Variants in RBFOX1 observed in about 807,000 individuals in gnomAD.
RBFOX1 encodes RNA binding protein fox-1 homolog 1.
Under a neutral mutation model 57.7 loss-of-function variants are expected in RBFOX1, and 8 were observed. That is an observed-to-expected ratio of 0.14 (90% CI 0.08 to 0.25). RBFOX1 has a LOEUF of 0.25. RBFOX1 is among the 10% of genes least tolerant of loss of function. The pLI is 1.00. For synonymous variants in RBFOX1, 326 were observed against 222.4 expected, an observed-to-expected ratio of 1.47 and a Z score of -4.15; for missense variants, 611 against 548.5, an observed-to-expected ratio of 1.11 and a Z score of -1.14.
chr16:6,422,210 C>A (rs1333729581), intron 2 of RBFOX1, among the ~76,000 whole-genome samples: 1 of 151,218 alleles, frequency 6.6e-6, no homozygotes, highest in African/African-American at 2.4e-5. Context: ...GTGTGAGCCA[C>A]CACGCCCGAC....
intron 3 of RBFOX1, among the ~76,000 whole-genome samples, chr16:6,935,138 G>T (rs1237078931): frequency 6.6e-6 from 1 of 152,122 alleles, no homozygotes; most frequent in Non-Finnish European, 1.5e-5. Context: ...CTATTCGAGT[G>T]ACCTTGAGCT....
chr16:7,710,821 G>C lies in RBFOX1; in HGVS notation c.*76G>C, dbSNP rs2083896532. ...AGGCCTGAGTATTGCAATACATGCA[G>C]TAGTACATCATTTTAGCAACTCTAA... On this transcript the variant is annotated 3_prime_UTR_variant, in exon 16 of 16. Coordinates refer to ENST00000550418, the MANE Select transcript of RBFOX1 (RefSeq NM_018723.4). The C allele has an allele frequency of 8.5e-7, 1 of 1,172,626 alleles. No homozygotes were observed. Among genetic ancestry groups the C allele is most frequent in the Admixed American group, 3.1e-5 (1 of 32,328 alleles). The allele number at this position is 1,172,626 out of a possible 1,614,324, so 72.6% of individuals were successfully genotyped here.
chr16:5,859,962 G>T (rs192575531), intron 3 of RBFOX1, among the ~76,000 whole-genome samples: 1 of 152,280 alleles, frequency 6.6e-6, no homozygotes, highest in Admixed American at 6.5e-5. Flanking sequence ...GCTCCCGTGG[G>T]ACTGATCCCA....
chr16:5,922,666 C>A (rs2058850386), intron 4 of RBFOX1, among the ~76,000 whole-genome samples: 2 of 152,282 alleles, frequency 1.3e-5, no homozygotes, highest in South Asian at 4.2e-4. Flanking sequence ...TAACCACCCA[C>A]CCTCATATAA....
chr16:6,108,120 C>G (rs1199155396), intron 1 of RBFOX1, among the ~76,000 whole-genome samples: 1 of 152,088 alleles, frequency 6.6e-6, no homozygotes, highest in Admixed American at 6.6e-5. Flanking sequence ...TGTATTACTT[C>G]TTAAAAAAAT....
intron 1 of RBFOX1, among the ~76,000 whole-genome samples, chr16:6,197,153 C>G (rs1015671374): frequency 6.6e-6 from 1 of 152,118 alleles, no homozygotes; most frequent in Non-Finnish European, 1.5e-5. Flanking sequence ...ATGCATGTCA[C>G]CAGAGGCTGT....
In RBFOX1 at chr16:7,653,837, AGCCACC is replaced by A; in HGVS notation, c.784_789del (p.Thr262_Ala263del). 6.2e-7 allele frequency: 1 copy of A among 1,607,446 alleles called. No individual in the cohort carries two copies. The highest frequency in any genetic ancestry group is 8.5e-7 in the Non-Finnish European group (1 of 1,179,528). On this transcript the variant is annotated inframe_deletion, in exon 12 of 16. Coordinates refer to ENST00000550418, the MANE Select transcript of RBFOX1 (RefSeq NM_018723.4). The stretch of plus-strand genomic sequence containing the variant: ...CAGTGCCAGGCTTCCCGTATCCAGC[AGCCACC>A]GCCGCGGCCGCCTACCGAGGGGCGC...
chr16:6,565,840 G>C (rs977464809), intron 2 of RBFOX1, among the ~76,000 whole-genome samples: 8 of 152,222 alleles, frequency 5.3e-5, no homozygotes, highest in African/African-American at 1.9e-4. Context: ...AGCTATGTGA[G>C]GCTATCAATC....
intron 3 of RBFOX1, among the ~76,000 whole-genome samples, chr16:6,889,294 G>A (rs1346088248): frequency 6.6e-6 from 1 of 152,142 alleles, no homozygotes; most frequent in East Asian, 1.9e-4. Flanking sequence ...AGTGAACTGT[G>A]AGCATAGGTG....
intron 3 of RBFOX1, among the ~76,000 whole-genome samples, chr16:6,979,347 A>G (rs2088005143): frequency 6.6e-6 from 1 of 151,374 alleles, no homozygotes; most frequent in Non-Finnish European, 1.5e-5. Context: ...ATTAGCTATC[A>G]GTGTAATTAT....
Position 5,348,165 on chromosome 16 carries a change from C to T in RBFOX1, c.219+108060C>T, listed in dbSNP as rs1320109014. On this transcript the variant is annotated intron_variant, in intron 1 of 2. Coordinates refer to the RBFOX1 transcript ENST00000585867. ...ACCCATGTATCCATCCACCCATCCA[C>T]CTGTCTTTCCACTCAATAATCTACT... Among the ~76,000 whole-genome samples, 3 of 151,722 alleles carry T rather than the reference C, an allele frequency of 2.0e-5. No individual in the cohort carries two copies. The South Asian group carries it at 6.3e-4, about 32-fold the overall frequency.
chr16:7,408,752 C>CGATA (rs767154018), intron 4 of RBFOX1, among the ~76,000 whole-genome samples: 2 of 152,160 alleles, frequency 1.3e-5, no homozygotes, highest in South Asian at 4.1e-4. Context: ...CCCTGGCCTC[C>CGATA]TATCCACTTT....
At chr16:7,277,229 G>C (rs145919276) in intron 4 of RBFOX1, among the ~76,000 whole-genome samples, 1 of 152,120 alleles carries the variant, frequency 6.6e-6, no homozygotes. Flanking sequence ...CTGGAGGAAT[G>C]GTTTCTGTTG....
At chr16:5,553,339 G>A (rs552138610) in intron 2 of RBFOX1, among the ~76,000 whole-genome samples, 18 of 149,030 alleles carry the variant, frequency 1.2e-4, no homozygotes, top group East Asian at 5.9e-4. Flanking sequence ...TTTTTGAGAT[G>A]GAGTCTCACT....
intron 2 of RBFOX1, among the ~76,000 whole-genome samples, chr16:5,541,173 C>G: frequency 6.6e-6 from 1 of 151,980 alleles, no homozygotes; most frequent in East Asian, 1.9e-4. Context: ...TTAAGAAGAG[C>G]TCTAGGTGAT....
At chr16:6,737,735 G>C (rs2070801301) in intron 3 of RBFOX1, among the ~76,000 whole-genome samples, 1 of 152,260 alleles carries the variant, frequency 6.6e-6, no homozygotes, top group South Asian at 2.1e-4. Context: ...GTACACAAAT[G>C]ATATATGGGA....
chr16:7,151,996 A>G (rs551733595), intron 4 of RBFOX1, among the ~76,000 whole-genome samples: 2 of 152,318 alleles, frequency 1.3e-5, no homozygotes, highest in South Asian at 2.1e-4. Context: ...CCTGGTTTCT[A>G]ACAGACCATG....
At chr16:5,863,558 C>A (rs1300681992) in intron 3 of RBFOX1, among the ~76,000 whole-genome samples, 1 of 152,204 alleles carries the variant, frequency 6.6e-6, no homozygotes, top group Non-Finnish European at 1.5e-5. Flanking sequence ...TCTGTGGGTG[C>A]ACATTCATGA....
chr16:6,431,914 TTTC>T (rs1185158801), intron 2 of RBFOX1, among the ~76,000 whole-genome samples: 1 of 145,906 alleles, frequency 6.9e-6, no homozygotes, highest in Non-Finnish European at 1.5e-5. Context: ...TCTTTCTTTC[TTTC>T]TTTCTTTCTT....
Sources: gnomAD v4.1 joint callset for allele counts (sites outside exome capture counted in the v4.1 genomes callset) on GRCh38, gnomAD v4.1.1 for gene constraint, MANE v1.5 for transcripts, NCBI Gene and HGNC (gene_info 2026-07-23, HGNC 2026-07-21) for gene names.